PTPRN2: variants seen among roughly 807,000 people sequenced by gnomAD.
The protein encoded by PTPRN2 is protein tyrosine phosphatase receptor type N2, also known as receptor-type tyrosine-protein phosphatase N2.
In PTPRN2, 74 loss-of-function variants were observed where a neutral mutation model predicts 118.8. The observed-to-expected ratio is 0.62, with a 90% CI of 0.52 to 0.76. The LOEUF is 0.76. Ranked by LOEUF, PTPRN2 falls within the 30% of genes least tolerant of loss-of-function variation. PTPRN2 has a pLI of 0.00. For missense variants in PTPRN2, 1,481 were observed against 1,394.4 expected (o/e 1.06, Z -0.99); for synonymous variants, 641 against 608.0 (o/e 1.05, Z -0.80).
intron 11 of PTPRN2, among the ~76,000 whole-genome samples, chr7:158,059,464 GCACA>G (rs2128905495): frequency 8.5e-6 from 1 of 117,932 alleles, no homozygotes; most frequent in South Asian, 2.8e-4. Context: ...CACTCCATCT[GCACA>G]CAGTGACACA....
rs139811751 is a variant in PTPRN2 at position 158,312,806 on chromosome 7, C to T, written c.277+4013G>A. Among the ~76,000 whole-genome samples, 108 of 151,542 alleles carry T rather than the reference C, an allele frequency of 7.1e-4. 1 individual carries two copies. Among genetic ancestry groups the T allele is most frequent in the South Asian group, 3.6e-3 (17 of 4,778 alleles). ...GCACACACACCTGCACACTCATTCACGTGCTCACGTGTAGATATCCCCTAC... is the reference window on the plus strand; with the variant it reads ...GCACACACACCTGCACACTCATTCATGTGCTCACGTGTAGATATCCCCTAC... On this transcript the variant is annotated intron_variant, in intron 3 of 22. Transcript: ENST00000389418.
intron 12 of PTPRN2, among the ~76,000 whole-genome samples, chr7:157,871,852 G>A (rs911737970): frequency 1.3e-5 from 2 of 151,002 alleles, no homozygotes; most frequent in African/African-American, 4.9e-5. Context: ...TGTGCACTCA[G>A]CTCCAGAACA....
At chr7:157,558,082 A>G (rs221282) in intron 21 of PTPRN2, among the ~76,000 whole-genome samples, 132,217 of 132,312 alleles carry the variant, frequency 1, 66,065 homozygotes, top group Middle Eastern at 1. Flanking sequence ...ACAGCTTCAC[A>G]ATTCAAGGGG....
chr7:158,123,956 A>G (rs1258415076), intron 9 of PTPRN2, among the ~76,000 whole-genome samples: 1 of 148,654 alleles, frequency 6.7e-6, no homozygotes, highest in Non-Finnish European at 1.5e-5. Flanking sequence ...ACCCAGGCGG[A>G]GCTGGTTCTC....
intron 3 of PTPRN2, among the ~76,000 whole-genome samples, chr7:158,220,800 T>G (rs1828299708): frequency 1.3e-5 from 2 of 149,392 alleles, no homozygotes; most frequent in Admixed American, 1.3e-4. Context: ...ATTTACAGAC[T>G]CAATGCTATT....
intron 5 of PTPRN2, among the ~76,000 whole-genome samples, chr7:158,180,525 T>C (rs961469704): frequency 1.3e-5 from 2 of 152,236 alleles, no homozygotes; most frequent in Non-Finnish European, 2.9e-5. Context: ...ATCTGTAGAT[T>C]GCTTTGGGCA....
At chr7:157,814,343 G>A (rs1415050313) in intron 12 of PTPRN2, among the ~76,000 whole-genome samples, 3 of 152,110 alleles carry the variant, frequency 2.0e-5, no homozygotes, top group African/African-American at 2.4e-5. Context: ...CCACGGTGCC[G>A]CCTGACAGCA....
intron 11 of PTPRN2, among the ~76,000 whole-genome samples, chr7:158,075,595 G>A (rs900986779): frequency 6.6e-6 from 1 of 152,156 alleles, no homozygotes; most frequent in Non-Finnish European, 1.5e-5. Context: ...TTCCCACGCC[G>A]CGCCCTCCAC....
At chr7:158,120,682 A>T (rs1024573752) in intron 9 of PTPRN2, among the ~76,000 whole-genome samples, 8 of 152,296 alleles carry the variant, frequency 5.3e-5, no homozygotes, top group Non-Finnish European at 1.2e-4. Flanking sequence ...GGGGTCCCAG[A>T]TGTCCTCTCT....
chr7:158,257,758 C>T (rs547550311), intron 3 of PTPRN2, among the ~76,000 whole-genome samples: 26 of 152,380 alleles, frequency 1.7e-4, no homozygotes, highest in African/African-American at 5.0e-4. Flanking sequence ...ACGGCGCTGA[C>T]CTGGAACTGC....
At chr7:157,883,044 A>T (rs886470028) in intron 12 of PTPRN2, among the ~76,000 whole-genome samples, 20 of 151,496 alleles carry the variant, frequency 1.3e-4, no homozygotes, top group African/African-American at 4.8e-4. Context: ...TGACTGTTGG[A>T]GATCAAAACA....
At chr7:158,289,629 T>C (rs1255918995) in intron 3 of PTPRN2, among the ~76,000 whole-genome samples, 8 of 152,256 alleles carry the variant, frequency 5.3e-5, no homozygotes, top group Admixed American at 5.2e-4. Context: ...ACACTTACTT[T>C]GAATTATCGG....
In PTPRN2 at chr7:157,987,228, T is replaced by C. The variant is rs1282437540; in HGVS notation, c.1724-88491A>G. Among the ~76,000 whole-genome samples, 1 of 151,770 alleles carries C rather than the reference T, an allele frequency of 6.6e-6. No homozygotes were observed. Among genetic ancestry groups the C allele is most frequent in the Non-Finnish European group, 1.5e-5 (1 of 67,990 alleles). On this transcript the variant is annotated intron_variant, in intron 11 of 22. Coordinates refer to ENST00000389418, the MANE Select transcript of PTPRN2 (RefSeq NM_002847.5). The surrounding 1 kb of genome is among the most constrained non-coding windows in gnomAD (Gnocchi z 4.3). The stretch of plus-strand genomic sequence containing the variant: ...GAAGTGTCCAGATCTGCTTCTGAAA[T>C]CTCTTCCTCCCTTAAGGTAAGGTGC...
At chr7:158,307,390 G>C (rs1224504297) in intron 3 of PTPRN2, among the ~76,000 whole-genome samples, 2 of 151,980 alleles carry the variant, frequency 1.3e-5, no homozygotes, top group African/African-American at 2.4e-5. Flanking sequence ...AAATTATCCA[G>C]TCTGAGGAAC....
At chr7:158,505,393 C>T (rs1241482996) in intron 1 of PTPRN2, among the ~76,000 whole-genome samples, 3 of 152,090 alleles carry the variant, frequency 2.0e-5, no homozygotes, top group African/African-American at 7.2e-5. Context: ...GTGCAGAATT[C>T]TCTCTGTTGG....
chr7:158,036,420 C>T (rs574653744), intron 11 of PTPRN2, among the ~76,000 whole-genome samples: 2 of 152,122 alleles, frequency 1.3e-5, no homozygotes, highest in African/African-American at 2.4e-5. Context: ...TCCTCCTATG[C>T]GGATTTTAGA....
At chr7:158,460,727 G>C (rs1818925310) in intron 2 of PTPRN2, among the ~76,000 whole-genome samples, 1 of 150,680 alleles carries the variant, frequency 6.6e-6, no homozygotes, top group Non-Finnish European at 1.5e-5. Context: ...GGTCCCATGG[G>C]AAAGTCAAGC....
chr7:158,286,015 G>C (rs1285519978), intron 3 of PTPRN2, among the ~76,000 whole-genome samples: 1 of 152,170 alleles, frequency 6.6e-6, no homozygotes, highest in African/African-American at 2.4e-5. Context: ...CCACGAGAAT[G>C]AACATTTATC....
intron 11 of PTPRN2, among the ~76,000 whole-genome samples, chr7:157,950,678 A>G (rs568608796): frequency 1.3e-5 from 2 of 152,292 alleles, no homozygotes; most frequent in African/African-American, 4.8e-5. Context: ...CAGCCGCCTC[A>G]CCCATGGAGC....
Sources: gnomAD v4.1 joint callset for allele counts (sites outside exome capture counted in the v4.1 genomes callset) on GRCh38, gnomAD v4.1.1 for gene constraint, Gnocchi (gnomAD v3.1) non-coding constraint, MANE v1.5 for transcripts, NCBI Gene and HGNC (gene_info 2026-07-23, HGNC 2026-07-21) for gene names.